CAMK1D: variants seen among roughly 807,000 people sequenced by gnomAD.
CAMK1D encodes calcium/calmodulin-dependent protein kinase type 1D.
In CAMK1D, 9 loss-of-function variants were observed where a neutral mutation model predicts 47.7. The ratio of observed to expected loss-of-function variants is 0.19; its 90% CI spans 0.11 to 0.33. The LOEUF is 0.33. Ranked by LOEUF, CAMK1D falls within the 10% of genes least tolerant of loss-of-function variation. CAMK1D has a pLI of 1.00. For missense variants in CAMK1D, 291 were observed against 488.7 expected, an observed-to-expected ratio of 0.60 and a Z score of 3.81; for synonymous variants, 184 against 184.9, an observed-to-expected ratio of 0.99 and a Z score of 0.04.
intron 2 of CAMK1D, among the ~76,000 whole-genome samples, 176 bp downstream of exon 2, chr10:12,553,532 G>A (rs1213194741): frequency 1.3e-5 from 2 of 152,186 alleles, no homozygotes; most frequent in Admixed American, 6.5e-5. Context: ...TCGTGTCTTA[G>A]AACATTCACG....
chr10:12,702,409 ATCTGTTTCTGACAC>A (rs1180884459), intron 3 of CAMK1D, among the ~76,000 whole-genome samples: 1 of 152,144 alleles, frequency 6.6e-6, no homozygotes, highest in African/African-American at 2.4e-5. Context: ...AGGGTGTGGG[ATCTGTTTCTGACAC>A]TCTTGAGAGC....
chr10:12,355,917 G>A (rs12244580), intron 1 of CAMK1D, among the ~76,000 whole-genome samples: 4 of 152,178 alleles, frequency 2.6e-5, no homozygotes, highest in East Asian at 1.9e-4. Context: ...GGAACCAAGA[G>A]CCAAAGGGGA....
intron 1 of CAMK1D, among the ~76,000 whole-genome samples, chr10:12,398,382 C>T (rs1588441908): frequency 6.6e-6 from 1 of 152,260 alleles, no homozygotes; most frequent in East Asian, 1.9e-4. Flanking sequence ...GAGTTTCACT[C>T]TTGTTGCCCA....
At chr10:12,669,691 T>A (rs913992415) in intron 3 of CAMK1D, among the ~76,000 whole-genome samples, 9 of 152,178 alleles carry the variant, frequency 5.9e-5, no homozygotes, top group Admixed American at 3.9e-4. Flanking sequence ...AAGTCTTCTC[T>A]TCCTCATTCA....
At chr10:12,378,816 T>C (rs1232383225) in intron 1 of CAMK1D, among the ~76,000 whole-genome samples, 4 of 2,662 alleles carry the variant, frequency 1.5e-3, no homozygotes, top group African/African-American at 1.6e-3. Flanking sequence ...TTTCTTTTCT[T>C]TTTTTTTTTT....
chr10:12,825,624 G>A lies in CAMK1D; in HGVS notation c.973G>A (p.Gly325Ser), dbSNP rs774775892. 8.7e-6 allele frequency: 14 copies of A among 1,614,024 alleles called. No individual in the cohort carries two copies. The highest frequency in any genetic ancestry group is 3.3e-5 in the South Asian group (3 of 91,000). ...VVRHMRKLHLGSSLDSSNASV... is the reference protein window; with the variant it reads ...VVRHMRKLHLSSSLDSSNASV... ...CAGACATATGAGAAAACTACACCTC[G>A]GCAGCAGCCTGGACAGTTCAAATGC... Residue 325 changes from glycine to serine, a missense_variant, in exon 10 of 11, where the codon GGC (glycine) becomes AGC (serine). Transcript: ENST00000619168.
chr10:12,787,795 T>A (rs893768378), intron 5 of CAMK1D, among the ~76,000 whole-genome samples: 8 of 151,766 alleles, frequency 5.3e-5, no homozygotes, highest in African/African-American at 1.9e-4. Flanking sequence ...AGGTCAGGAG[T>A]TCGAGACCAC....
At chr10:12,418,158 A>G (rs144005410) in intron 1 of CAMK1D, among the ~76,000 whole-genome samples, 2 of 152,334 alleles carry the variant, frequency 1.3e-5, no homozygotes, top group African/African-American at 2.4e-5. Flanking sequence ...GCAAGAATGA[A>G]TATGGATCCC....
intron 6 of CAMK1D, among the ~76,000 whole-genome samples, chr10:12,798,322 A>G (rs988199895): frequency 3.3e-5 from 5 of 152,172 alleles, no homozygotes; most frequent in African/African-American, 4.8e-5. Context: ...CGAGCCTAAC[A>G]TGTGTCAGGC....
rs764655572 is a variant in CAMK1D, at chr10:12,828,667, C to A, written c.1040-102C>A. The A allele has an allele frequency of 1.6e-4, 136 of 839,296 alleles. 4 individuals are homozygous for A. In the Admixed American group the frequency reaches 1.7e-3, roughly 10 times the overall value. 52.0% of individuals were successfully genotyped at this position (839,296 alleles called of 1,614,324 possible). A position where few individuals can be genotyped will look rare whatever the true frequency, so the allele number is the denominator to read the frequency against. ...AGAAAAAAAAAAAATTGGGCCCCCC[C>A]GCCCCCCACCATAAACCCAGCCCCT... On this transcript the variant is annotated intron_variant, in intron 10 of 10. Transcript: ENST00000619168.
chr10:12,609,164 C>G (rs1359972006), intron 2 of CAMK1D, among the ~76,000 whole-genome samples: 2 of 152,190 alleles, frequency 1.3e-5, no homozygotes, highest in Non-Finnish European at 2.9e-5. Context: ...GGAGGGCTTC[C>G]TGGAGGAAGT....
chr10:12,691,391 A>T (rs1588797806), intron 3 of CAMK1D, among the ~76,000 whole-genome samples: 1 of 7,068 alleles, frequency 1.4e-4, no homozygotes, highest in Admixed American at 1.9e-3. Flanking sequence ...ATATATATAT[A>T]TATATATATA....
At chr10:12,668,627 G>A (rs182684355) in intron 3 of CAMK1D, among the ~76,000 whole-genome samples, 347 of 152,300 alleles carry the variant, frequency 2.3e-3, no homozygotes, top group Non-Finnish European at 9.8e-4. Flanking sequence ...TTCAGTACAC[G>A]TGGTTTCTCT....
intron 1 of CAMK1D, among the ~76,000 whole-genome samples, chr10:12,493,304 G>C (rs1156511656): frequency 6.6e-6 from 1 of 152,126 alleles, no homozygotes; most frequent in Non-Finnish European, 1.5e-5. Context: ...GTGCTCACAG[G>C]GCTCCTGGGG....
chr10:12,442,280 G>C (rs551696666), intron 1 of CAMK1D, among the ~76,000 whole-genome samples: 4 of 152,330 alleles, frequency 2.6e-5, no homozygotes, highest in Non-Finnish European at 5.9e-5. Flanking sequence ...AGGAGATGGA[G>C]ACCATCCTGG....
chr10:12,496,923 T>C (rs1834557049), intron 1 of CAMK1D, among the ~76,000 whole-genome samples: 1 of 152,074 alleles, frequency 6.6e-6, no homozygotes, highest in Non-Finnish European at 1.5e-5. Flanking sequence ...CAGTGTGTGG[T>C]GTTTTCCTCC....
chr10:12,767,963 C>T (rs1836856559), intron 4 of CAMK1D, among the ~76,000 whole-genome samples: 1 of 152,192 alleles, frequency 6.6e-6, no homozygotes, highest in Non-Finnish European at 1.5e-5. Context: ...ACCTCCGCCT[C>T]CTGGGTTCAA....
chr10:12,737,515 T>A (rs982470297), intron 3 of CAMK1D, among the ~76,000 whole-genome samples: 1 of 152,134 alleles, frequency 6.6e-6, no homozygotes, highest in Non-Finnish European at 1.5e-5. Flanking sequence ...AGCTTTGGAG[T>A]CTGCTGTCCT....
At chr10:12,448,847 G>A (rs955414201) in intron 1 of CAMK1D, among the ~76,000 whole-genome samples, 2 of 152,154 alleles carry the variant, frequency 1.3e-5, no homozygotes, top group African/African-American at 4.8e-5. Context: ...GGCACGTACG[G>A]CTGAGTCATC....
Sources: allele counts gnomAD v4.1 joint callset (sites outside exome capture counted in the v4.1 genomes callset), GRCh38; gene constraint gnomAD v4.1.1; transcripts MANE v1.5; gene names NCBI Gene and HGNC (gene_info 2026-07-23, HGNC 2026-07-21).